Variants in NRXN2 observed in about 807,000 individuals in gnomAD.
NRXN2 encodes the protein neurexin 2.
A neutral mutation model predicts 128.8 loss-of-function variants in NRXN2; 29 were observed. That is an observed-to-expected ratio of 0.23 (90% CI 0.17 to 0.31). The LOEUF (loss-of-function observed/expected upper bound fraction) is 0.31, where lower values mean the gene tolerates loss of function less well. Ranked by LOEUF, NRXN2 falls within the 10% of genes least tolerant of loss-of-function variation. The probability of loss-of-function intolerance (pLI) is 1.00; values close to 1 mark genes in which losing one functional copy is unlikely to be tolerated. For synonymous variants in NRXN2, 1,098 were observed against 1,075.2 expected (o/e 1.02, Z -0.41); for missense variants, 1,881 against 2,452.6 (o/e 0.77, Z 4.92).
At chr11:64,626,357 G>A in intron 20 of NRXN2, 106 bp downstream of exon 20, 2 of 851,588 alleles carry the variant, frequency 2.3e-6, no homozygotes, top group Admixed American at 2.1e-5. Flanking sequence ...CCCTTCACTT[G>A]GGGGTGGGCA....
chr11:64,608,464 G>A (rs1173132977), intron 22 of NRXN2, among the ~76,000 whole-genome samples: 1 of 137,594 alleles, frequency 7.3e-6, no homozygotes, highest in Non-Finnish European at 1.6e-5. Flanking sequence ...ATCTTTTAGG[G>A]TTTTTTTTCT....
chr11:64,611,941 C>G (rs1321329027), intron 22 of NRXN2, among the ~76,000 whole-genome samples: 5 of 150,422 alleles, frequency 3.3e-5, no homozygotes, highest in African/African-American at 9.7e-5. Context: ...GCCCCCTTCT[C>G]ATGGTAGCCT....
Position 64,713,144 on chromosome 11 carries a change from C to T in NRXN2, c.556G>A (p.Glu186Lys). 6.9e-7 allele frequency: 1 copy of T among 1,439,838 alleles called. No homozygotes were observed. The allele number at this position is 1,439,838 out of a possible 1,614,324, so 89.2% of individuals were successfully genotyped here. A position where few individuals can be genotyped will look rare whatever the true frequency, so the allele number is the denominator to read the frequency against. Residue 186 changes from glutamate (E) to lysine (K), a missense_variant, in exon 2 of 23, where the codon GAG (glutamate) becomes AAG (lysine). By Grantham distance (56) the Glu-to-Lys change is moderately conservative. This residue lies in a region of NRXN2 where 997 missense variants were observed against 1,240.8 expected (regional missense o/e 0.80). Coordinates refer to ENST00000265459, the MANE Select transcript of NRXN2 (RefSeq NM_015080.4). ...RGLLANLKLG[E>K]RPPALLGSQG... ...CTGCCCAGCAGCGCGGGGGGCCGCTCGCCCAGCTTCAGGTTGGCCAAGAGG... is the reference window on the plus strand; with the variant it reads ...CTGCCCAGCAGCGCGGGGGGCCGCTTGCCCAGCTTCAGGTTGGCCAAGAGG...
chr11:64,697,820 G>C, intron 2 of NRXN2, 28 bp from the exon 3 acceptor site: 1 of 1,613,286 alleles, frequency 6.2e-7, no homozygotes, highest in Non-Finnish European at 8.5e-7. Context: ...CGGAGAAGAC[G>C]GAGGCAGAGA....
intron 15 of NRXN2, 115 bp downstream of exon 15, chr11:64,650,333 G>A (rs763901157): frequency 6.7e-6 from 7 of 1,052,492 alleles, no homozygotes; most frequent in Admixed American, 1.7e-5. Context: ...GGAAAGAGAG[G>A]TGGAAACTGG....
At chr11:64,608,942 T>C (rs893844100) in intron 22 of NRXN2, among the ~76,000 whole-genome samples, 4 of 151,254 alleles carry the variant, frequency 2.6e-5, no homozygotes, top group African/African-American at 9.7e-5. Context: ...GGGTGAGAGG[T>C]CTTGGGAGGG....
intron 2 of NRXN2, among the ~76,000 whole-genome samples, chr11:64,699,356 T>C (rs2054972641): frequency 6.6e-6 from 1 of 150,830 alleles, no homozygotes; most frequent in Non-Finnish European, 1.5e-5. Flanking sequence ...ACAAACACAC[T>C]CCTCTACAAC....
intron 1 of NRXN2, among the ~76,000 whole-genome samples, chr11:64,720,177 G>C (rs963217591): frequency 6.6e-6 from 1 of 152,236 alleles, no homozygotes; most frequent in Non-Finnish European, 1.5e-5. Context: ...GCCAAACAGT[G>C]GTGGTGGCAG....
intron 5 of NRXN2, among the ~76,000 whole-genome samples, chr11:64,686,609 C>T (rs920110069): frequency 6.6e-6 from 1 of 152,216 alleles, no homozygotes; most frequent in African/African-American, 2.4e-5. Context: ...GGCCACCAGG[C>T]AGAGCTCACA....
intron 22 of NRXN2, among the ~76,000 whole-genome samples, chr11:64,617,672 C>T (rs2041746775): frequency 6.6e-6 from 1 of 152,196 alleles, no homozygotes; most frequent in African/African-American, 2.4e-5. Flanking sequence ...CCACCTCTGA[C>T]ACTGGAGCCA....
At chr11:64,691,883 C>T (rs2053848041) in intron 4 of NRXN2, among the ~76,000 whole-genome samples, 1 of 152,202 alleles carries the variant, frequency 6.6e-6, no homozygotes, top group Non-Finnish European at 1.5e-5. Context: ...CGGCTAAGGA[C>T]CCCACTCTGT....
At position 64,708,618 on chromosome 11, in the gene NRXN2, G is replaced by A. The variant is rs145404884; in HGVS notation, c.730+4352C>T. ...AAATTTCCTAGCATGGAGGTTCTCC[G>A]TCAATGAGTAAGCCCAGACCCTGGG... On this transcript the variant is annotated intron_variant, in intron 2 of 22. Coordinates refer to ENST00000265459, the MANE Select transcript of NRXN2 (RefSeq NM_015080.4). 2.9e-3 allele frequency among the ~76,000 whole-genome samples: 441 copies of A among 152,342 alleles called. 2 individuals carry two copies. Among genetic ancestry groups the A allele is most frequent in the African/African-American group, 9.5e-3 (393 of 41,580 alleles).
At chr11:64,620,221 G>T in intron 22 of NRXN2, 73 bp downstream of exon 22, 3 of 1,232,562 alleles carry the variant, frequency 2.4e-6, no homozygotes, top group Non-Finnish European at 2.3e-6. Flanking sequence ...GGGCCAGGTG[G>T]CAGGGACAGT....
At chr11:64,717,083 G>A (rs931171761) in intron 1 of NRXN2, among the ~76,000 whole-genome samples, 10 of 152,108 alleles carry the variant, frequency 6.6e-5, no homozygotes, top group Admixed American at 4.6e-4. Context: ...TTTCTCCAGA[G>A]GTCTCCCCAC....
chr11:64,631,704 C>T lies in NRXN2; in HGVS notation c.3586-1131G>A, dbSNP rs2043934809. 6.6e-6 allele frequency among the ~76,000 whole-genome samples: 1 copy of T among 152,060 alleles called. No individual in the cohort carries two copies. Among genetic ancestry groups the T allele is most frequent in the Non-Finnish European group, 1.5e-5 (1 of 68,012 alleles). ...TCAAAGCCAGTGTTCTCTCCCTTTG[C>T]CCACCAGTCTAGGAAGACCCTGACT... is the stretch of plus-strand genomic sequence containing the variant. On this transcript the variant is annotated intron_variant, in intron 18 of 22. Coordinates refer to ENST00000265459, the MANE Select transcript of NRXN2 (RefSeq NM_015080.4). This position sits in a 1 kb window ranked among gnomAD's most constrained non-coding sequence, Gnocchi z 4.8.
Position 64,630,420 on chromosome 11 carries a change from T to G in NRXN2, c.3739A>C (p.Asn1247His). ...ATLQVDSWPVNERYPAGNFDN... is the reference protein window; with the variant it reads ...ATLQVDSWPVHERYPAGNFDN... ...CGCCTACCTGCCGGGTACCGCTCGT[T>G]GACCGGCCAGCTGTCCACCTGCAGG... The change falls in exon 19 of 23, where the codon AAC (asparagine) becomes CAC (histidine). Residue 1247 changes from asparagine (N) to histidine (H), a missense_variant. Asn to His is a moderately conservative substitution (Grantham distance 68). Transcript: ENST00000265459. The surrounding 1 kb of genome is among the most constrained non-coding windows in gnomAD (Gnocchi z 4.6). The G allele has an allele frequency of 1.9e-6, 3 of 1,612,590 alleles. No individual in the cohort carries two copies. Among genetic ancestry groups the G allele is most frequent in the Non-Finnish European group, 2.5e-6 (3 of 1,179,644 alleles).
intron 1 of NRXN2, among the ~76,000 whole-genome samples, chr11:64,720,994 T>C (rs954375766): frequency 1.3e-5 from 2 of 151,840 alleles, no homozygotes; most frequent in Admixed American, 6.6e-5. Context: ...CTGGGGGCTC[T>C]GGGGGCACGT....
At chr11:64,686,962 C>A (rs1219475923) in intron 5 of NRXN2, among the ~76,000 whole-genome samples, 5 of 152,178 alleles carry the variant, frequency 3.3e-5, no homozygotes, top group African/African-American at 1.2e-4. Flanking sequence ...TTCTGTCCAA[C>A]ACCAGCACAA....
chr11:64,628,724 A>G (rs1388315187), intron 19 of NRXN2, among the ~76,000 whole-genome samples: 1 of 152,230 alleles, frequency 6.6e-6, no homozygotes, highest in Non-Finnish European at 1.5e-5. Context: ...GCATCGGAGA[A>G]TGAGAGAAGT....
Sources: allele counts gnomAD v4.1 joint callset (sites outside exome capture counted in the v4.1 genomes callset), GRCh38; gene constraint gnomAD v4.1.1; regional missense constraint gnomAD v4.1.1; non-coding constraint Gnocchi (gnomAD v3.1); transcripts MANE v1.5; gene names NCBI Gene and HGNC (gene_info 2026-07-23, HGNC 2026-07-21).